The following SPAG16 variants were observed in gnomAD, a reference collection of about 807,000 sequenced individuals.
SPAG16 encodes sperm associated antigen 16, also known as sperm-associated antigen 16 protein.
A neutral mutation model predicts 80.4 loss-of-function variants in SPAG16; 86 were observed. That is an observed-to-expected ratio of 1.07 (90% CI 0.90 to 1.28). The LOEUF is 1.28. SPAG16 is among the 50% of genes most tolerant of loss of function. The probability of loss-of-function intolerance (pLI) is 0.00; values close to 1 mark genes in which losing one functional copy is unlikely to be tolerated. For missense variants in SPAG16, 870 were observed against 765.3 expected, an observed-to-expected ratio of 1.14 and a Z score of -1.61; for synonymous variants, 294 against 265.9, an observed-to-expected ratio of 1.11 and a Z score of -1.03.
At chr2:213,539,165 A>C (rs2076345685) in intron 10 of SPAG16, among the ~76,000 whole-genome samples, 1 of 152,150 alleles carries the variant, frequency 6.6e-6, no homozygotes, top group Non-Finnish European at 1.5e-5. Flanking sequence ...AATGCTCTTA[A>C]ATATTATAAA....
At chr2:213,551,189 T>A (rs1466570488) in intron 10 of SPAG16, among the ~76,000 whole-genome samples, 1 of 152,206 alleles carries the variant, frequency 6.6e-6, no homozygotes, top group African/African-American at 2.4e-5. Flanking sequence ...GAGACTCCTC[T>A]GAAGCTCCTT....
chr2:214,398,460 C>G (rs1701523640), intron 15 of SPAG16, among the ~76,000 whole-genome samples: 1 of 152,176 alleles, frequency 6.6e-6, no homozygotes, highest in African/African-American at 2.4e-5. Context: ...TGCCTCATTA[C>G]TTTAACTCCA....
chr2:214,271,852 C>CCCAA (rs1553541535), intron 15 of SPAG16, among the ~76,000 whole-genome samples: 1 of 140,634 alleles, frequency 7.1e-6, no homozygotes, highest in African/African-American at 2.8e-5. Context: ...ACCCCCCCCC[C>CCCAA]AAAAAAAAAG....
At chr2:214,144,097 A>T (rs1559842765) in intron 14 of SPAG16, among the ~76,000 whole-genome samples, 4 of 152,172 alleles carry the variant, frequency 2.6e-5, no homozygotes, top group Non-Finnish European at 5.9e-5. Context: ...GTTTGAGATT[A>T]CAATATTGAA....
intron 15 of SPAG16, among the ~76,000 whole-genome samples, chr2:214,272,151 TATTTACCA>T (rs902475770): frequency 1.3e-5 from 2 of 152,194 alleles, no homozygotes; most frequent in African/African-American, 4.8e-5. Flanking sequence ...TTATAATTTA[TATTTACCA>T]ATTTTCCTTT....
chr2:214,045,824 A>G (rs535699467), intron 13 of SPAG16, among the ~76,000 whole-genome samples: 1 of 152,262 alleles, frequency 6.6e-6, no homozygotes, highest in East Asian at 1.9e-4. Flanking sequence ...AGCAAACCAA[A>G]TGCAAAATTA....
intron 10 of SPAG16, among the ~76,000 whole-genome samples, chr2:213,691,872 G>A (rs1025668547): frequency 1.3e-5 from 2 of 152,190 alleles, no homozygotes; most frequent in African/African-American, 2.4e-5. Context: ...CTAATACATA[G>A]TGGAATTTCA....
chr2:213,513,455 G>T (rs1159038989), intron 10 of SPAG16, among the ~76,000 whole-genome samples: 1 of 152,146 alleles, frequency 6.6e-6, no homozygotes, highest in African/African-American at 2.4e-5. Flanking sequence ...CCTGGGCAAT[G>T]GAGATGTTCC....
rs554566004 is a variant in SPAG16 at position 214,410,371 on chromosome 2, T to A, written c.*56T>A. On this transcript the variant is annotated 3_prime_UTR_variant, in exon 16 of 16. Transcript: ENST00000331683. ...CCCTTTAAGGCTTGAAAATGCCTCC[T>A]GTAGTCCCAAACCAGCAAAGAACTG... 6 of 1,495,526 alleles carry A rather than the reference T, an allele frequency of 4.0e-6. No homozygotes were observed. The African/African-American group carries it at 8.3e-5, about 21-fold the overall frequency. The allele number at this position is 1,495,526 out of a possible 1,614,324, so 92.6% of individuals were successfully genotyped here. A position where few individuals can be genotyped will look rare whatever the true frequency, so the allele number is the denominator to read the frequency against.
chr2:214,353,415 T>C (rs1222225197), intron 15 of SPAG16, among the ~76,000 whole-genome samples: 1 of 152,174 alleles, frequency 6.6e-6, no homozygotes, highest in Non-Finnish European at 1.5e-5. Flanking sequence ...AGTCATATTT[T>C]CAAACCTACA....
intron 13 of SPAG16, among the ~76,000 whole-genome samples, chr2:214,104,060 C>G (rs554119534): frequency 6.6e-6 from 1 of 152,240 alleles, no homozygotes; most frequent in Admixed American, 6.5e-5. Flanking sequence ...GGTTTGCAAT[C>G]CTTGGATGTG....
At chr2:213,566,203 G>A (rs1454150237) in intron 10 of SPAG16, among the ~76,000 whole-genome samples, 4 of 152,154 alleles carry the variant, frequency 2.6e-5, no homozygotes, top group South Asian at 2.1e-4. Flanking sequence ...TGGTTAGGTC[G>A]TTGGAGGAAT....
At chr2:214,008,679 A>G (rs1287192762) in intron 12 of SPAG16, among the ~76,000 whole-genome samples, 2 of 151,434 alleles carry the variant, frequency 1.3e-5, no homozygotes, top group Non-Finnish European at 1.5e-5. Context: ...GGGGAGACAG[A>G]GGTTGCAGTG....
At chr2:213,741,743 A>G (rs1445566226) in intron 10 of SPAG16, among the ~76,000 whole-genome samples, 2 of 152,164 alleles carry the variant, frequency 1.3e-5, no homozygotes, top group Non-Finnish European at 2.9e-5. Flanking sequence ...AAATAGCTTG[A>G]TAGGTATATT....
At position 213,669,784 on chromosome 2, in the gene SPAG16, C is replaced by A. The variant is rs537561288; in HGVS notation, c.1070+179694C>A. Among the ~76,000 whole-genome samples the A allele has an allele frequency of 2.6e-5, 4 of 152,220 alleles. No homozygotes were observed. The East Asian group carries it at 7.7e-4, about 29-fold the overall frequency. On this transcript the variant is annotated intron_variant, in intron 10 of 15. Coordinates refer to ENST00000331683, the MANE Select transcript of SPAG16 (RefSeq NM_024532.5). Reference sequence around the variant, plus strand: ...GCACAGTATTGTTCTCTGGTAAATACCTTTGCTTCCATTTTCTCACCTGCT... The same window carrying A: ...GCACAGTATTGTTCTCTGGTAAATAACTTTGCTTCCATTTTCTCACCTGCT...
intron 11 of SPAG16, among the ~76,000 whole-genome samples, chr2:213,895,858 A>G (rs2076972105): frequency 6.6e-6 from 1 of 152,180 alleles, no homozygotes; most frequent in Non-Finnish European, 1.5e-5. Context: ...ACCCCAGGAC[A>G]TTGGTCTGGA....
chr2:213,733,379 T>C (rs1031653586), intron 10 of SPAG16, among the ~76,000 whole-genome samples: 37 of 152,132 alleles, frequency 2.4e-4, no homozygotes, highest in Admixed American at 1.3e-4. Context: ...GTTTTCTTCC[T>C]CCAGTTGGGA....
chr2:214,360,681 T>C (rs1266360780), intron 15 of SPAG16, among the ~76,000 whole-genome samples: 1 of 151,878 alleles, frequency 6.6e-6, no homozygotes, highest in Non-Finnish European at 1.5e-5. Flanking sequence ...TATCCTTTGC[T>C]CTGTACTAGT....
intron 15 of SPAG16, among the ~76,000 whole-genome samples, chr2:214,224,140 G>C (rs2058647183): frequency 6.6e-6 from 1 of 152,132 alleles, no homozygotes; most frequent in South Asian, 2.1e-4. Context: ...CTTCTTCCCA[G>C]GGGCAATGGA....
Sources: allele counts gnomAD v4.1 joint callset (sites outside exome capture counted in the v4.1 genomes callset), GRCh38; gene constraint gnomAD v4.1.1; transcripts MANE v1.5; gene names NCBI Gene and HGNC (gene_info 2026-07-23, HGNC 2026-07-21).